MOSPD2: variants seen among roughly 807,000 people sequenced by gnomAD.
The protein encoded by MOSPD2 is motile sperm domain containing 2.
Under a neutral mutation model 41.7 loss-of-function variants are expected in MOSPD2, and 5 were observed. The ratio of observed to expected loss-of-function variants is 0.12; its 90% CI spans 0.06 to 0.25. The LOEUF is 0.25. Ranked by LOEUF, MOSPD2 falls within the 10% of genes least tolerant of loss-of-function variation. The probability of loss-of-function intolerance (pLI) is 1.00; values close to 1 mark genes in which losing one functional copy is unlikely to be tolerated. For synonymous variants in MOSPD2, 115 were observed against 126.9 expected, an observed-to-expected ratio of 0.91 and a Z score of 0.63; for missense variants, 282 against 375.2, an observed-to-expected ratio of 0.75 and a Z score of 2.05.
Position 14,921,091 on chromosome X carries a change from T to G in MOSPD2, c.*1282T>G, listed in dbSNP as rs747974737. Reference sequence around the variant, plus strand: ...GAGGCAATGACATGAGTTTGTTTTCTCATTAATATGACCAGTTTGGGTCTA... The same window carrying G: ...GAGGCAATGACATGAGTTTGTTTTCGCATTAATATGACCAGTTTGGGTCTA... On this transcript the variant is annotated 3_prime_UTR_variant, in exon 15 of 15. Coordinates refer to ENST00000380492, the MANE Select transcript of MOSPD2 (RefSeq NM_152581.4). 1.2e-6 allele frequency: 1 copy of G among 807,669 alleles called. No individual in the cohort carries two copies. The highest frequency in any genetic ancestry group is 2.2e-5 in the African/African-American group (1 of 45,491). 66.6% of individuals were successfully genotyped at this position (807,669 alleles called of 1,213,427 possible). A position where few individuals can be genotyped will look rare whatever the true frequency, so the allele number is the denominator to read the frequency against.
At chrX:14,894,786 G>A (rs1034660060) in intron 3 of MOSPD2, among the ~76,000 whole-genome samples, 1 of 110,675 alleles carries the variant, frequency 9.0e-6, no homozygotes, top group African/African-American at 3.3e-5. Context: ...TTTCCTAAAG[G>A]TTTTTAAATG....
intron 7 of MOSPD2, among the ~76,000 whole-genome samples, chrX:14,906,826 A>G (rs2092583007): frequency 9.0e-6 from 1 of 111,628 alleles, no homozygotes; most frequent in Admixed American, 9.6e-5. Context: ...GAAGTTGGAG[A>G]CCAACCTGGC....
chrX:14,895,619 G>A (rs754650106), intron 4 of MOSPD2, among the ~76,000 whole-genome samples: 18 of 111,828 alleles, frequency 1.6e-4, no homozygotes, highest in Non-Finnish European at 2.6e-4. Context: ...AATAAATGCT[G>A]CATCCTACAG....
chrX:14,886,607 T>C lies in MOSPD2; in HGVS notation c.80-6116T>C, dbSNP rs745384950. On this transcript the variant is annotated intron_variant, in intron 2 of 14. Coordinates refer to ENST00000380492, the MANE Select transcript of MOSPD2 (RefSeq NM_152581.4). ...CAGAGAATATAATAAGAATATAATA[T>C]GGCCCTCAGAGTCTTAGATATTTGC... Among the ~76,000 whole-genome samples the C allele has an allele frequency of 2.7e-5, 3 of 110,259 alleles. No individual in the cohort carries two copies. The South Asian group carries it at 1.2e-3, about 43-fold the overall frequency.
intron 8 of MOSPD2, among the ~76,000 whole-genome samples, chrX:14,910,145 TA>T (rs1162455758): frequency 1.8e-5 from 2 of 109,904 alleles, no homozygotes; most frequent in Non-Finnish European, 3.8e-5. Flanking sequence ...AATTTTTAAG[TA>T]TTTTTTTTCA....
intron 2 of MOSPD2, among the ~76,000 whole-genome samples, chrX:14,881,576 C>G (rs900301618): frequency 1.3e-4 from 14 of 111,997 alleles, no homozygotes; most frequent in African/African-American, 4.6e-4. Context: ...TCTGCAATAC[C>G]TGGCTCTTTT....
intron 6 of MOSPD2, among the ~76,000 whole-genome samples, chrX:14,902,064 T>C (rs2147494604): frequency 9.0e-6 from 1 of 111,007 alleles, no homozygotes; most frequent in East Asian, 2.8e-4. Flanking sequence ...TTGATTATGC[T>C]TCAAAATCTG....
At chrX:14,904,427 A>G (rs1334214977) in intron 7 of MOSPD2, among the ~76,000 whole-genome samples, 3 of 111,775 alleles carry the variant, frequency 2.7e-5, no homozygotes, top group Non-Finnish European at 1.9e-5. Context: ...CTCTCATGAT[A>G]AAAGTACTCA....
Position 14,881,226 on chromosome X carries a change from T to C in MOSPD2, c.79+7468T>C, listed in dbSNP as rs1321393436. Among the ~76,000 whole-genome samples, 7 of 110,654 alleles carry C rather than the reference T, an allele frequency of 6.3e-5. No homozygotes were observed. The East Asian group carries it at 2.0e-3, about 31-fold the overall frequency. Reference sequence around the variant, plus strand: ...ACTTTCTTGGTCTTGAAAATAGCTTTATTTTGTCCTTTTTTTTTTTTAATT... The same window carrying C: ...ACTTTCTTGGTCTTGAAAATAGCTTCATTTTGTCCTTTTTTTTTTTTAATT... On this transcript the variant is annotated intron_variant, in intron 2 of 14. Transcript: ENST00000380492.
intron 2 of MOSPD2, among the ~76,000 whole-genome samples, chrX:14,886,510 C>T (rs1004706683): frequency 3.7e-5 from 4 of 107,689 alleles, no homozygotes; most frequent in African/African-American, 1.4e-4. Flanking sequence ...CATACACACA[C>T]ATACACACAC....
At chrX:14,913,674 A>G (rs959467816) in intron 10 of MOSPD2, among the ~76,000 whole-genome samples, 1 of 112,269 alleles carries the variant, frequency 8.9e-6, no homozygotes, top group Non-Finnish European at 1.9e-5. Context: ...CCCAAGGTAC[A>G]GACATTCCTG....
At chrX:14,875,700 C>T (rs909889707) in intron 2 of MOSPD2, among the ~76,000 whole-genome samples, 3 of 111,906 alleles carry the variant, frequency 2.7e-5, no homozygotes, top group Non-Finnish European at 5.6e-5. Context: ...GTTTCAATTT[C>T]GGACTTTTCC....
chrX:14,896,245 C>T (rs934514255), intron 4 of MOSPD2, among the ~76,000 whole-genome samples: 1 of 110,829 alleles, frequency 9.0e-6, no homozygotes, highest in Admixed American at 9.6e-5. Context: ...ACATACCTAG[C>T]TACCCACTGA....
chrX:14,921,142 T>C lies in MOSPD2; in HGVS notation c.*1333T>C. On this transcript the variant is annotated 3_prime_UTR_variant, in exon 15 of 15. Transcript: ENST00000380492. ...TGTTGGTTCACATGTACATCTACTT[T>C]ATATGAAAGAAAAAACAGTTGTCTG... The C allele has an allele frequency of 3.4e-6, 3 of 869,848 alleles. No homozygotes were observed. The highest frequency in any genetic ancestry group is 4.2e-6 in the Non-Finnish European group (3 of 713,001). 71.7% of individuals were successfully genotyped at this position (869,848 alleles called of 1,213,427 possible). A position where few individuals can be genotyped will look rare whatever the true frequency, so the allele number is the denominator to read the frequency against.
At chrX:14,907,799 G>A in intron 7 of MOSPD2, among the ~76,000 whole-genome samples, 1 of 111,452 alleles carries the variant, frequency 9.0e-6, no homozygotes, top group East Asian at 2.8e-4. Flanking sequence ...GCACAATTCT[G>A]TGAATATACT....
At position 14,911,363 on chromosome X, in the gene MOSPD2, G is replaced by C; in HGVS notation, c.829G>C (p.Glu277Gln). 3 of 1,196,221 alleles carry C rather than the reference G, an allele frequency of 2.5e-6. No individual in the cohort carries two copies. Among genetic ancestry groups the C allele is most frequent in the Non-Finnish European group, 3.4e-6 (3 of 887,904 alleles). Reference protein sequence around the residue: ...SKEDIESDGKETLETISNEEQ... With the variant: ...SKEDIESDGKQTLETISNEEQ... Reference sequence around the variant, plus strand: ...AGAAGACATAGAAAGTGATGGCAAAGAAACATTGGAAACAATTTCTAATGA... The same window carrying C: ...AGAAGACATAGAAAGTGATGGCAAACAAACATTGGAAACAATTTCTAATGA... The change falls in exon 9 of 15, where the codon GAA (glutamate) becomes CAA (glutamine). Residue 277 changes from glutamate (E) to glutamine (Q), a missense_variant. Coordinates refer to ENST00000380492, the MANE Select transcript of MOSPD2 (RefSeq NM_152581.4).
In MOSPD2 at chrX:14,910,858, A is replaced by G. The variant is rs184276892; in HGVS notation, c.703-379A>G. Among the ~76,000 whole-genome samples the G allele has an allele frequency of 3.6e-5, 4 of 110,446 alleles. No homozygotes were observed. In the South Asian group the frequency reaches 1.1e-3, roughly 31 times the overall value. ...AAACTTTCTTATGATTCAAAAGACAATTTTCATTCTTTTTCAGTGTATTCT... is the reference window on the plus strand; with the variant it reads ...AAACTTTCTTATGATTCAAAAGACAGTTTTCATTCTTTTTCAGTGTATTCT... On this transcript the variant is annotated intron_variant, in intron 8 of 14. Transcript: ENST00000380492.
intron 7 of MOSPD2, among the ~76,000 whole-genome samples, chrX:14,908,591 A>G (rs2092586289): frequency 9.0e-6 from 1 of 111,724 alleles, no homozygotes; most frequent in Non-Finnish European, 1.9e-5. Flanking sequence ...GGATTTGTTC[A>G]GAGGCCAAAA....
Position 14,919,695 on chromosome X carries a change from T to C in MOSPD2, c.1443T>C (p.Asn481=). 3 of 1,208,705 alleles carry C rather than the reference T, an allele frequency of 2.5e-6. No homozygotes were observed. Among genetic ancestry groups the C allele is most frequent in the Non-Finnish European group, 2.2e-6 (2 of 893,420 alleles). ...CLQLSRLLES[N]RKLEDQVQRC... is the part of the protein sequence containing the mutation. ...AGCTCAGTCGTTTACTAGAAAGCAA[T>C]AGGAAGCTTGAAGACCAAGTTCAGC... The change falls in exon 15 of 15, where the codon AAT becomes AAC. Residue 481 remains asparagine, a synonymous_variant. Transcript: ENST00000380492.
Sources: gnomAD v4.1 joint callset for allele counts (sites outside exome capture counted in the v4.1 genomes callset) on GRCh38, gnomAD v4.1.1 for gene constraint, MANE v1.5 for transcripts, NCBI Gene and HGNC (gene_info 2026-07-23, HGNC 2026-07-21) for gene names.